DYNC2H1: variants seen among roughly 807,000 people sequenced by gnomAD.
DYNC2H1 encodes cytoplasmic dynein 2 heavy chain 1.
In DYNC2H1, 410 loss-of-function variants were observed where a neutral mutation model predicts 570.0. The ratio of observed to expected loss-of-function variants is 0.72; its 90% CI spans 0.66 to 0.78. DYNC2H1 has a LOEUF of 0.78. Ranked by LOEUF, DYNC2H1 falls within the 30% of genes least tolerant of loss-of-function variation. The pLI, the probability that DYNC2H1 is intolerant of heterozygous loss-of-function variation, is 0.00. For synonymous variants in DYNC2H1, 1,688 were observed against 1,677.6 expected (o/e 1.01, Z -0.15); for missense variants, 4,865 against 5,046.4 (o/e 0.96, Z 1.09).
chr11:103,132,178 T>C (rs1347918663), intron 13 of DYNC2H1, among the ~76,000 whole-genome samples: 11 of 152,128 alleles, frequency 7.2e-5, no homozygotes, highest in Admixed American at 6.5e-4. Flanking sequence ...TGTTCATTTT[T>C]CCCTTTATTT....
chr11:103,443,649 G>A (rs143118665), intron 85 of DYNC2H1, among the ~76,000 whole-genome samples: 235 of 137,814 alleles, frequency 1.7e-3, no homozygotes, highest in African/African-American at 6.5e-3. Context: ...CTATGTCAGT[G>A]ATTTTGACAA....
Position 103,436,020 on chromosome 11 carries a change from C to T in DYNC2H1, c.12444C>T (p.Ala4148=). Residue 4148 remains alanine (A), a synonymous_variant, in exon 85 of 89, where the codon GCC becomes GCT. Coordinates refer to ENST00000375735, the MANE Select transcript of DYNC2H1 (RefSeq NM_001377.3). ...ACCTGAGAGGTCTTGTTGCCCGTGCCCTTGCAATACAGGTATGCCTAAATT... is the reference window on the plus strand; with the variant it reads ...ACCTGAGAGGTCTTGTTGCCCGTGCTCTTGCAATACAGGTATGCCTAAATT... ...LQYLRGLVAR[A]LAIQNWVDKA... 1 of 1,612,250 alleles carries T rather than the reference C, an allele frequency of 6.2e-7. No homozygotes were observed. Among genetic ancestry groups the T allele is most frequent in the Non-Finnish European group, 8.5e-7 (1 of 1,178,914 alleles).
At chr11:103,416,909 A>C (rs1261675256) in intron 84 of DYNC2H1, among the ~76,000 whole-genome samples, 2 of 152,226 alleles carry the variant, frequency 1.3e-5, no homozygotes, top group Non-Finnish European at 2.9e-5. Context: ...TCCAGAATCT[A>C]CAAGGAACTT....
In DYNC2H1 at chr11:103,120,717, A is replaced by G. The variant is rs1203661424; in HGVS notation, c.1163A>G (p.Tyr388Cys). Residue 388 changes from tyrosine to cysteine, a missense_variant, in exon 8 of 89, where the codon TAT (tyrosine) becomes TGT (cysteine). Tyr to Cys is a radical substitution (Grantham distance 194). Around this residue, in one of 5 missense-constraint regions of DYNC2H1, gnomAD observed 1,936 missense variants for 1,962.1 expected, o/e 0.99. Transcript: ENST00000375735. ...TTGTGGAAAGCTGCGGTGTCTCAAT[A>G]TGAAAAGATTATTGCACCTGCGGAA... Reference protein sequence around the residue: ...EPLWKAAVSQYEKIIAPAEQK... With the variant: ...EPLWKAAVSQCEKIIAPAEQK... The G allele has an allele frequency of 5.0e-6, 8 of 1,611,274 alleles. No individual in the cohort carries two copies. Among genetic ancestry groups the G allele is most frequent in the Non-Finnish European group, 5.9e-6 (7 of 1,178,494 alleles).
chr11:103,272,873 A>G (rs1304990874), intron 70 of DYNC2H1, among the ~76,000 whole-genome samples: 2 of 151,804 alleles, frequency 1.3e-5, no homozygotes. Flanking sequence ...GTAGTTATTC[A>G]TTTAGAGAGT....
chr11:103,121,307 G>A (rs149351631), intron 9 of DYNC2H1, 65 bp from the exon 10 acceptor site: 54 of 1,507,288 alleles, frequency 3.6e-5, no homozygotes, highest in Middle Eastern at 1.8e-4. Flanking sequence ...TGCTTGGTAC[G>A]TGGAAGTTAT....
intron 82 of DYNC2H1, among the ~76,000 whole-genome samples, chr11:103,328,519 A>G (rs1242880871): frequency 6.6e-6 from 1 of 152,226 alleles, no homozygotes; most frequent in African/African-American, 2.4e-5. Context: ...AACATTATTT[A>G]TCATGCACAA....
Position 103,204,997 on chromosome 11 carries a change from C to A in DYNC2H1, c.8454+33C>A. 1 of 1,528,392 alleles carries A rather than the reference C, an allele frequency of 6.5e-7. No individual in the cohort carries two copies. The highest frequency in any genetic ancestry group is 1.4e-5 in the African/African-American group (1 of 71,960). The allele number at this position is 1,528,392 out of a possible 1,614,324, so 94.7% of individuals were successfully genotyped here. The stretch of plus-strand genomic sequence containing the variant: ...TAACAAATATTAAAAAATTTAAAAG[C>A]ACATTTTATTTTTGAAGTTATTGAT... On this transcript the variant is annotated intron_variant, in intron 52 of 88. Transcript: ENST00000375735. The surrounding 1 kb of genome is among the most constrained non-coding windows in gnomAD (Gnocchi z 4.1).
chr11:103,233,878 G>GT (rs1864118738), intron 60 of DYNC2H1, among the ~76,000 whole-genome samples, 156 bp from the exon 61 acceptor site: 5 of 29,080 alleles, frequency 1.7e-4, no homozygotes, highest in East Asian at 1.6e-3. Flanking sequence ...GTGTGTGTGT[G>GT]GGTTTGTCTC....
intron 82 of DYNC2H1, among the ~76,000 whole-genome samples, chr11:103,335,082 T>A (rs1939044642): frequency 6.6e-6 from 1 of 152,092 alleles, no homozygotes; most frequent in Admixed American, 6.5e-5. Flanking sequence ...GGAAAATGAC[T>A]TCAAGAGGTA....
intron 18 of DYNC2H1, among the ~76,000 whole-genome samples, chr11:103,146,726 C>A (rs1182561337): frequency 6.6e-6 from 1 of 152,030 alleles, no homozygotes; most frequent in East Asian, 1.9e-4. Context: ...CCTCAGCCTC[C>A]TGAGTAGCTG....
chr11:103,423,398 G>T (rs1943554931), intron 84 of DYNC2H1, among the ~76,000 whole-genome samples: 1 of 95,512 alleles, frequency 1.0e-5, no homozygotes, highest in Non-Finnish European at 2.5e-5. Context: ...ATAGCCAAAA[G>T]CCAAAAAAGT....
chr11:103,315,067 T>C (rs1937743023), intron 79 of DYNC2H1, among the ~76,000 whole-genome samples: 1 of 151,618 alleles, frequency 6.6e-6, no homozygotes, highest in Non-Finnish European at 1.5e-5. Context: ...ATTTAAATCT[T>C]TTGTTTTCAT....
chr11:103,463,569 G>GAA (rs991628343), intron 87 of DYNC2H1, among the ~76,000 whole-genome samples: 44 of 152,090 alleles, frequency 2.9e-4, no homozygotes, highest in African/African-American at 9.9e-4. Context: ...GAGCAACATG[G>GAA]AAGAACCCTG....
intron 83 of DYNC2H1, among the ~76,000 whole-genome samples, chr11:103,383,376 T>C (rs1941735918): frequency 6.6e-6 from 1 of 152,224 alleles, no homozygotes; most frequent in South Asian, 2.1e-4. Flanking sequence ...CATAATAGAA[T>C]ATGCCTTTTC....
At position 103,280,443 on chromosome 11, in the gene DYNC2H1, C is replaced by T. The variant is rs1866086189; in HGVS notation, c.10761+30C>T. On this transcript the variant is annotated intron_variant, in intron 71 of 88. Coordinates refer to ENST00000375735, the MANE Select transcript of DYNC2H1 (RefSeq NM_001377.3). This position sits in a 1 kb window ranked among gnomAD's most constrained non-coding sequence, Gnocchi z 4.7. ...GTCAAATTAAAGGAGAGAAATTTTA[C>T]AGTAACATAGAAATTTGTTAATGGG... 1 of 1,537,074 alleles carries T rather than the reference C, an allele frequency of 6.5e-7. No individual in the cohort carries two copies. Among genetic ancestry groups the T allele is most frequent in the Non-Finnish European group, 8.8e-7 (1 of 1,134,546 alleles).
intron 9 of DYNC2H1, 136 bp from the exon 10 acceptor site, chr11:103,121,235 TG>T: frequency 9.4e-7 from 1 of 1,065,784 alleles, no homozygotes; most frequent in Non-Finnish European, 1.3e-6. Context: ...ATTTGATACA[TG>T]GTACAGTCCT....
chr11:103,250,552 C>T (rs1233637446), intron 65 of DYNC2H1, among the ~76,000 whole-genome samples: 2 of 152,062 alleles, frequency 1.3e-5, no homozygotes, highest in Non-Finnish European at 2.9e-5. Context: ...CAAGTCTGTG[C>T]GTAGCCAACC....
At chr11:103,246,739 A>G (rs953521030) in intron 65 of DYNC2H1, among the ~76,000 whole-genome samples, 1 of 151,964 alleles carries the variant, frequency 6.6e-6, no homozygotes, top group Non-Finnish European at 1.5e-5. Flanking sequence ...CCATTTTTTC[A>G]TCATACATTA....
Sources: allele counts gnomAD v4.1 joint callset (sites outside exome capture counted in the v4.1 genomes callset), GRCh38; gene constraint gnomAD v4.1.1; regional missense constraint gnomAD v4.1.1; non-coding constraint Gnocchi (gnomAD v3.1); transcripts MANE v1.5; gene names NCBI Gene and HGNC (gene_info 2026-07-23, HGNC 2026-07-21).